TSPAN11: variants seen among roughly 807,000 people sequenced by gnomAD.
TSPAN11 encodes tetraspanin-11.
Under a neutral mutation model 32.9 loss-of-function variants are expected in TSPAN11, and 29 were observed. The ratio of observed to expected loss-of-function variants is 0.88; its 90% CI spans 0.66 to 1.20. The LOEUF is 1.20. TSPAN11 is among the 50% of genes most tolerant of loss of function. The pLI, the probability that TSPAN11 is intolerant of heterozygous loss-of-function variation, is 0.00. For missense variants in TSPAN11, 283 were observed against 329.1 expected (o/e 0.86, Z 1.08); for synonymous variants, 140 against 141.3 (o/e 0.99, Z 0.07).
the TSPAN11 span, among the ~76,000 whole-genome samples, chr12:31,013,123 A>G: frequency 6.6e-6 from 1 of 152,242 alleles, no homozygotes; most frequent in African/African-American, 2.4e-5. Flanking sequence ...GATCACAACA[A>G]AGATGAATAA....
At chr12:30,987,414 C>G (rs1939221320) in intron 7 of TSPAN11, among the ~76,000 whole-genome samples, 1 of 152,066 alleles carries the variant, frequency 6.6e-6, no homozygotes, top group Non-Finnish European at 1.5e-5. Flanking sequence ...CAAGACCATT[C>G]TGGCCAACAT....
chr12:31,011,516 CT>C, the TSPAN11 span, among the ~76,000 whole-genome samples: 1 of 152,206 alleles, frequency 6.6e-6, no homozygotes, highest in African/African-American at 2.4e-5. Context: ...AAAAATTACA[CT>C]AGAGGCAACT....
At chr12:30,990,136 A>ATG (rs1565806076) in intron 7 of TSPAN11, among the ~76,000 whole-genome samples, 12 of 139,320 alleles carry the variant, frequency 8.6e-5, no homozygotes, top group Admixed American at 4.0e-4. Flanking sequence ...CGTGGTGTTC[A>ATG]CGTGTGTGTG....
intron 5 of TSPAN11, among the ~76,000 whole-genome samples, 190 bp from the exon 6 acceptor site, chr12:30,982,342 G>A (rs1182492851): frequency 1.3e-5 from 2 of 152,268 alleles, no homozygotes; most frequent in Non-Finnish European, 2.9e-5. Context: ...CAATGAGTCT[G>A]AGAAGGGCCC....
intron 2 of TSPAN11, among the ~76,000 whole-genome samples, chr12:30,963,552 C>G (rs56243125): frequency 6.6e-6 from 1 of 152,116 alleles, no homozygotes; most frequent in African/African-American, 2.4e-5. Flanking sequence ...TGGCCTCATA[C>G]GCAATAGGCC....
chr12:30,956,972 T>G (rs1022710648), intron 2 of TSPAN11, among the ~76,000 whole-genome samples: 1 of 152,200 alleles, frequency 6.6e-6, no homozygotes, highest in Non-Finnish European at 1.5e-5. Context: ...CGGGGATACA[T>G]GGGGCTAAGA....
chr12:30,962,530 A>G (rs1938633716), intron 2 of TSPAN11, among the ~76,000 whole-genome samples: 1 of 152,208 alleles, frequency 6.6e-6, no homozygotes, highest in South Asian at 2.1e-4. Flanking sequence ...AGAAGAGAAA[A>G]TGGTAAATAC....
downstream of TSPAN11, among the ~76,000 whole-genome samples, chr12:30,998,592 A>G (rs969427877): frequency 2.6e-5 from 4 of 152,212 alleles, no homozygotes; most frequent in Non-Finnish European, 5.9e-5. Context: ...CCTGCCGGGC[A>G]CCTGGTGGGG....
chr12:31,004,965 C>T, the TSPAN11 span, among the ~76,000 whole-genome samples: 2 of 152,222 alleles, frequency 1.3e-5, no homozygotes, highest in Admixed American at 6.5e-5. Flanking sequence ...CTCCACCTGC[C>T]TCTCCCAGGC....
chr12:30,983,263 C>T, intron 7 of TSPAN11, 113 bp downstream of exon 7: 1 of 995,372 alleles, frequency 1.0e-6, no homozygotes, highest in Non-Finnish European at 1.5e-6. Context: ...TGCACACCCG[C>T]ACCCTACCCT....
At chr12:31,009,628 G>A in the TSPAN11 span, among the ~76,000 whole-genome samples, 1 of 152,098 alleles carries the variant, frequency 6.6e-6, no homozygotes, top group East Asian at 1.9e-4. Flanking sequence ...CCTTCAGCCC[G>A]GCTTGTACAA....
At chr12:30,933,270 A>T (rs1047020315) in intron 1 of TSPAN11, among the ~76,000 whole-genome samples, 1 of 152,140 alleles carries the variant, frequency 6.6e-6, no homozygotes, top group Non-Finnish European at 1.5e-5. Context: ...AGGTTAGGTG[A>T]CCTGCACAAG....
At chr12:30,971,557 T>C (rs920824342) in intron 3 of TSPAN11, among the ~76,000 whole-genome samples, 1 of 152,138 alleles carries the variant, frequency 6.6e-6, no homozygotes, top group African/African-American at 2.4e-5. Context: ...CTGAGCGATA[T>C]GGTGAGACCC....
chr12:30,991,424 G>A (rs1939309660), intron 7 of TSPAN11, among the ~76,000 whole-genome samples: 1 of 152,176 alleles, frequency 6.6e-6, no homozygotes, highest in Non-Finnish European at 1.5e-5. Flanking sequence ...CAGCTCTGAT[G>A]AGGGAGTGGA....
At chr12:30,948,227 G>A (rs1349843961) in intron 1 of TSPAN11, among the ~76,000 whole-genome samples, 5 of 152,170 alleles carry the variant, frequency 3.3e-5, no homozygotes, top group African/African-American at 7.2e-5. Context: ...TTTTCCAGGC[G>A]CATGGTGCAA....
At chr12:31,008,419 C>T in the TSPAN11 span, among the ~76,000 whole-genome samples, 1 of 152,224 alleles carries the variant, frequency 6.6e-6, no homozygotes, top group Non-Finnish European at 1.5e-5. Flanking sequence ...TGCTGTGCTG[C>T]TGTGGATGGT....
At chr12:30,965,999 A>G (rs1698051568) in intron 3 of TSPAN11, among the ~76,000 whole-genome samples, 1 of 124,798 alleles carries the variant, frequency 8.0e-6, no homozygotes, top group Admixed American at 9.3e-5. Context: ...CTTTCTCAAA[A>G]CATTATGAGA....
At chr12:30,991,797 G>A (rs1565806530) in intron 7 of TSPAN11, 59 bp from the exon 8 acceptor site, 2 of 1,596,658 alleles carry the variant, frequency 1.3e-6, no homozygotes, top group Non-Finnish European at 1.7e-6. Context: ...GGCCCTGAGG[G>A]CCGGCAGCTT....
In TSPAN11 at chr12:30,994,382, C is replaced by G. The variant is rs569268575; in HGVS notation, c.*2467C>G. The G allele has an allele frequency of 6.6e-6, 1 of 152,328 alleles. No individual in the cohort carries two copies. Among genetic ancestry groups the G allele is most frequent in the East Asian group, 1.9e-4 (1 of 5,170 alleles). 9.4% of individuals were successfully genotyped at this position (152,328 alleles called of 1,614,324 possible). Reference sequence around the variant, plus strand: ...GCCTGTGGAATGTCACCTTCAGTCCCGTGCAGGCAAAAGGCCCCTGCACAC... The same window carrying G: ...GCCTGTGGAATGTCACCTTCAGTCCGGTGCAGGCAAAAGGCCCCTGCACAC... On this transcript the variant is annotated 3_prime_UTR_variant, in exon 8 of 8. Coordinates refer to ENST00000546076, the MANE Select transcript of TSPAN11 (RefSeq NM_001370302.1).
Sources: gnomAD v4.1 joint callset for allele counts (sites outside exome capture counted in the v4.1 genomes callset) on GRCh38, gnomAD v4.1.1 for gene constraint, MANE v1.5 for transcripts, NCBI Gene and HGNC (gene_info 2026-07-23, HGNC 2026-07-21) for gene names.